The following ROBO2 variants were observed in gnomAD, a reference collection of about 807,000 sequenced individuals.
ROBO2 encodes roundabout homolog 2.
ROBO2 carries 53 observed loss-of-function variants against 160.8 expected under a neutral mutation model. The ratio of observed to expected loss-of-function variants is 0.33; its 90% confidence interval spans 0.26 to 0.41. The LOEUF (loss-of-function observed/expected upper bound fraction) is 0.41, where lower values mean the gene tolerates loss of function less well. Ranked by LOEUF, ROBO2 falls within the 10% of genes least tolerant of loss-of-function variation. ROBO2 has a pLI of 1.00. For synonymous variants in ROBO2, 664 were observed against 611.7 expected, an observed-to-expected ratio of 1.09 and a Z score of -1.26; for missense variants, 1,577 against 1,722.4, an observed-to-expected ratio of 0.92 and a Z score of 1.49.
chr3:76,081,549 A>G (rs2068830798), intron 2 of ROBO2, among the ~76,000 whole-genome samples: 1 of 152,190 alleles, frequency 6.6e-6, no homozygotes, highest in South Asian at 2.1e-4. Context: ...GATGAGAATG[A>G]AAAATTCACC....
chr3:76,110,876 C>T (rs1255137498), intron 2 of ROBO2, among the ~76,000 whole-genome samples: 1 of 152,034 alleles, frequency 6.6e-6, no homozygotes, highest in African/African-American at 2.4e-5. Context: ...TTAAATCTTC[C>T]TTACTTTAGC....
At chr3:76,966,710 GCTATTCTCAC>G (rs2059313075) in intron 2 of ROBO2, among the ~76,000 whole-genome samples, 2 of 152,158 alleles carry the variant, frequency 1.3e-5, no homozygotes, top group African/African-American at 2.4e-5. Flanking sequence ...TGCAATCATT[GCTATTCTCAC>G]CTATGAAATG....
intron 2 of ROBO2, among the ~76,000 whole-genome samples, chr3:76,700,955 C>T (rs2093034299): frequency 1.3e-5 from 2 of 151,984 alleles, no homozygotes; most frequent in Admixed American, 6.6e-5. Flanking sequence ...ATCATGATTC[C>T]TCTTAATTAC....
At chr3:76,881,304 T>C (rs2073315535) in intron 2 of ROBO2, among the ~76,000 whole-genome samples, 1 of 152,188 alleles carries the variant, frequency 6.6e-6, no homozygotes, top group South Asian at 2.1e-4. Flanking sequence ...TCAAAGAAGG[T>C]AAATGTATTT....
rs1343107679 is a variant in ROBO2 at position 77,084,437 on chromosome 3, C to T, written c.62-13577C>T. The stretch of plus-strand genomic sequence containing the variant: ...TACATTTTAGAAATACCACCCTGTT[C>T]GAAGCTATCATTATTCTGTGTTTCA... On this transcript the variant is annotated intron_variant, in intron 1 of 25. Transcript: ENST00000461745. Among the ~76,000 whole-genome samples the T allele has an allele frequency of 2.6e-5, 4 of 152,054 alleles. No individual in the cohort carries two copies. In the South Asian group the frequency reaches 6.2e-4, roughly 24 times the overall value.
intron 2 of ROBO2, among the ~76,000 whole-genome samples, chr3:77,258,345 C>T (rs2058555277): frequency 6.6e-6 from 1 of 152,090 alleles, no homozygotes; most frequent in African/African-American, 2.4e-5. Context: ...AATATGAGTG[C>T]TATAAAAGTT....
intron 2 of ROBO2, among the ~76,000 whole-genome samples, chr3:76,749,688 A>G (rs1255314158): frequency 1.3e-5 from 2 of 152,118 alleles, no homozygotes; most frequent in African/African-American, 4.8e-5. Context: ...ATAGGCCAAA[A>G]TACGTGCCAT....
At chr3:76,444,015 G>T (rs796898572) in intron 2 of ROBO2, among the ~76,000 whole-genome samples, 4 of 152,054 alleles carry the variant, frequency 2.6e-5, no homozygotes, top group African/African-American at 9.6e-5. Flanking sequence ...CCCCAAGCTG[G>T]AGTGCAGTGG....
At chr3:77,495,328 C>T (rs1352870179) in intron 5 of ROBO2, among the ~76,000 whole-genome samples, 1 of 152,156 alleles carries the variant, frequency 6.6e-6, no homozygotes, top group Non-Finnish European at 1.5e-5. Flanking sequence ...TTCCCATTTA[C>T]ACTACACCCA....
intron 2 of ROBO2, among the ~76,000 whole-genome samples, chr3:76,869,402 TGCAGTGGCGCGATCTCG>T (rs1476322329): frequency 7.8e-6 from 1 of 127,678 alleles, no homozygotes; most frequent in African/African-American, 3.1e-5. Flanking sequence ...CAGGCTGGAG[TGCAGTGGCGCGATCTCG>T]GCTCACTGCA....
At chr3:75,930,392 G>C (rs138994531) in intron 1 of ROBO2, among the ~76,000 whole-genome samples, 2 of 152,116 alleles carry the variant, frequency 1.3e-5, no homozygotes, top group African/African-American at 4.8e-5. Flanking sequence ...CTCAAATGTC[G>C]TAGTTCATTT....
chr3:76,580,328 G>GTTTTTTTTTTTTTTGTTTTTTTTTTTTTT (rs748888426), intron 2 of ROBO2, among the ~76,000 whole-genome samples: 3 of 67,324 alleles, frequency 4.5e-5, no homozygotes, highest in Non-Finnish European at 8.1e-5. Context: ...TTTTTTTTTT[G>GTTTTTTTTTTTTTTGTTTTTTTTTTTTTT]TTTTTTTTTT....
intron 2 of ROBO2, among the ~76,000 whole-genome samples, chr3:76,297,766 C>T (rs1382973677): frequency 6.8e-6 from 1 of 147,574 alleles, no homozygotes; most frequent in Non-Finnish European, 1.5e-5. Flanking sequence ...TATTTAATTC[C>T]CAAAGGAAAC....
chr3:76,998,342 A>C (rs1043987844), intron 2 of ROBO2, among the ~76,000 whole-genome samples: 1 of 152,126 alleles, frequency 6.6e-6, no homozygotes, highest in South Asian at 2.1e-4. Flanking sequence ...TAAAACATTA[A>C]CCCAAGAAAG....
chr3:77,447,903 A>C (rs936397013), intron 2 of ROBO2, among the ~76,000 whole-genome samples: 1 of 152,158 alleles, frequency 6.6e-6, no homozygotes, highest in African/African-American at 2.4e-5. Flanking sequence ...ACTCAAGGTC[A>C]TATGTGTGAG....
At chr3:77,559,462 T>G (rs2153659634) in intron 9 of ROBO2, among the ~76,000 whole-genome samples, 1 of 152,166 alleles carries the variant, frequency 6.6e-6, no homozygotes, top group Non-Finnish European at 1.5e-5. Flanking sequence ...GACCCAGAAC[T>G]AAGGTAGATG....
intron 5 of ROBO2, among the ~76,000 whole-genome samples, chr3:77,510,054 G>A (rs1412056665): frequency 4.6e-5 from 7 of 151,958 alleles, no homozygotes; most frequent in African/African-American, 9.7e-5. Flanking sequence ...TTGAGTGCTC[G>A]AGTATAGGAG....
At chr3:77,442,340 A>G (rs2080030226) in intron 2 of ROBO2, among the ~76,000 whole-genome samples, 1 of 152,046 alleles carries the variant, frequency 6.6e-6, no homozygotes, top group Non-Finnish European at 1.5e-5. Flanking sequence ...AATTACATTC[A>G]TGAGTCATGT....
chr3:75,966,269 GT>G (rs34221250), intron 2 of ROBO2, among the ~76,000 whole-genome samples: 6 of 150,508 alleles, frequency 4.0e-5, no homozygotes, highest in Admixed American at 2.0e-4. Context: ...CCTAAATAAC[GT>G]TTTTTTTTAA....
Sources: allele counts gnomAD v4.1 joint callset (sites outside exome capture counted in the v4.1 genomes callset), GRCh38; gene constraint gnomAD v4.1.1; transcripts MANE v1.5; gene names NCBI Gene and HGNC (gene_info 2026-07-23, HGNC 2026-07-21).